AMD1: variants seen among roughly 807,000 people sequenced by gnomAD.
AMD1 encodes the protein S-adenosylmethionine decarboxylase proenzyme.
AMD1 carries 11 observed loss-of-function variants against 40.2 expected under a neutral mutation model. The ratio of observed to expected loss-of-function variants is 0.27; its 90% CI spans 0.17 to 0.45. The LOEUF is 0.45. Ranked by LOEUF, AMD1 falls within the 20% of genes least tolerant of loss-of-function variation. AMD1 has a pLI of 1.00. For missense variants in AMD1, 257 were observed against 410.2 expected, an observed-to-expected ratio of 0.63 and a Z score of 3.23; for synonymous variants, 121 against 130.8, an observed-to-expected ratio of 0.93 and a Z score of 0.51.
the AMD1 span, among the ~76,000 whole-genome samples, chr6:110,830,809 G>A: frequency 1.3e-5 from 2 of 152,150 alleles, no homozygotes; most frequent in African/African-American, 4.8e-5. Flanking sequence ...CGTCATCAAT[G>A]CCTGATGGTA....
the AMD1 span, among the ~76,000 whole-genome samples, chr6:110,869,413 T>C: frequency 6.6e-6 from 1 of 151,780 alleles, no homozygotes; most frequent in African/African-American, 2.4e-5. Flanking sequence ...ATTACAGGCG[T>C]GAGCCACCGC....
the AMD1 span, among the ~76,000 whole-genome samples, chr6:110,824,594 A>T: frequency 9.2e-5 from 14 of 152,236 alleles, no homozygotes; most frequent in South Asian, 4.1e-4. Flanking sequence ...GTATGTTTTT[A>T]AAAAAGTTAT....
the AMD1 span, among the ~76,000 whole-genome samples, chr6:110,847,066 GT>G: frequency 1.4e-3 from 127 of 88,436 alleles, no homozygotes; most frequent in African/African-American, 6.3e-3. Context: ...TGTGTGTGGT[GT>G]GTGTGTGTGT....
At chr6:110,829,626 G>C in the AMD1 span, among the ~76,000 whole-genome samples, 29 of 151,246 alleles carry the variant, frequency 1.9e-4, no homozygotes, top group African/African-American at 6.8e-4. Flanking sequence ...CTGAGATCGT[G>C]CCACTGCACT....
At chr6:110,866,133 ATTAAT>A in the AMD1 span, among the ~76,000 whole-genome samples, 2 of 152,320 alleles carry the variant, frequency 1.3e-5, no homozygotes, top group African/African-American at 4.8e-5. Context: ...TTTAAGTTTT[ATTAAT>A]TTTAGTTCAT....
upstream of AMD1, among the ~76,000 whole-genome samples, chr6:110,871,322 C>T (rs896695869): frequency 6.6e-6 from 1 of 152,132 alleles, no homozygotes; most frequent in African/African-American, 2.4e-5. Flanking sequence ...CTGTGTTAAA[C>T]CAAGTGAGGT....
chr6:110,862,019 C>CT, the AMD1 span, among the ~76,000 whole-genome samples: 19,269 of 125,388 alleles, frequency 0.15, 1,895 homozygotes, highest in East Asian at 0.31. Flanking sequence ...GATTTAAAAT[C>CT]TTTTTTTTTT....
chr6:110,872,831 A>G (rs1049796098), upstream of AMD1, among the ~76,000 whole-genome samples: 1 of 152,244 alleles, frequency 6.6e-6, no homozygotes, highest in Admixed American at 6.5e-5. Flanking sequence ...AAAGCATAAT[A>G]GTAGTTGAGA....
chr6:110,818,540 T>TTATG, the AMD1 span, among the ~76,000 whole-genome samples: 32 of 150,026 alleles, frequency 2.1e-4, no homozygotes, highest in African/African-American at 8.0e-4. Context: ...ATATATTTAT[T>TTATG]TATTTATTTA....
chr6:110,856,383 TG>T, the AMD1 span: 1 of 152,234 alleles, frequency 6.6e-6, no homozygotes, highest in Non-Finnish European at 1.5e-5. Flanking sequence ...TCGAAGTCTC[TG>T]GGTTCAAATT....
the AMD1 span, among the ~76,000 whole-genome samples, chr6:110,837,259 A>C: frequency 1.3e-5 from 2 of 148,518 alleles, no homozygotes; most frequent in Admixed American, 1.4e-4. Flanking sequence ...ACTTGAGCCC[A>C]GGAGATCGAG....
chr6:110,840,013 C>CT, the AMD1 span, among the ~76,000 whole-genome samples: 11,034 of 92,916 alleles, frequency 0.12, 837 homozygotes, highest in East Asian at 0.4. Flanking sequence ...GATTCTCTCT[C>CT]TTTTTTTTTT....
At chr6:110,870,107 G>A (rs563735999), upstream of AMD1, among the ~76,000 whole-genome samples, 1 of 152,286 alleles carries the variant, frequency 6.6e-6, no homozygotes, top group Non-Finnish European at 1.5e-5. Flanking sequence ...CCAGAGGCAT[G>A]CTGGTAAACG....
At chr6:110,887,084 C>T (rs1410670417) in intron 1 of AMD1, among the ~76,000 whole-genome samples, 1 of 152,150 alleles carries the variant, frequency 6.6e-6, no homozygotes, top group Non-Finnish European at 1.5e-5. Context: ...TCCCGACAGA[C>T]AGGCTTTTAA....
chr6:110,854,217 T>C, the AMD1 span, among the ~76,000 whole-genome samples: 2 of 152,230 alleles, frequency 1.3e-5, no homozygotes, highest in Admixed American at 6.5e-5. Context: ...AGAATAGTAT[T>C]CTTTAGCACT....
At chr6:110,831,587 G>A in the AMD1 span, among the ~76,000 whole-genome samples, 80 of 152,024 alleles carry the variant, frequency 5.3e-4, no homozygotes, top group African/African-American at 1.8e-3. Context: ...GAACCACCAC[G>A]CCCAGCCTTG....
chr6:110,814,863 C>G, the AMD1 span: 6 of 1,061,460 alleles, frequency 5.7e-6, no homozygotes, highest in East Asian at 1.7e-4. Context: ...GGGCGCCCCT[C>G]GGAGTCGGTG....
chr6:110,875,934 G>A (rs1442965157), intron 1 of AMD1, among the ~76,000 whole-genome samples: 1 of 152,178 alleles, frequency 6.6e-6, no homozygotes. Flanking sequence ...CCCTCGACAC[G>A]GCCGCTGAGG....
the AMD1 span, among the ~76,000 whole-genome samples, chr6:110,823,738 G>A: frequency 6.6e-6 from 1 of 152,060 alleles, no homozygotes; most frequent in Non-Finnish European, 1.5e-5. Context: ...TCCCTATTGG[G>A]TTCTTTTCTA....
Sources: gnomAD v4.1 joint callset for allele counts (sites outside exome capture counted in the v4.1 genomes callset) on GRCh38, gnomAD v4.1.1 for gene constraint, MANE v1.5 for transcripts, NCBI Gene and HGNC (gene_info 2026-07-23, HGNC 2026-07-21) for gene names.